COBL: variants seen among roughly 807,000 people sequenced by gnomAD.
COBL encodes protein cordon-bleu.
COBL carries 51 observed loss-of-function variants against 98.8 expected under a neutral mutation model. The observed-to-expected ratio is 0.52, with a 90% confidence interval of 0.41 to 0.65. The LOEUF (loss-of-function observed/expected upper bound fraction) is 0.65. COBL is among the 30% of genes least tolerant of loss of function. The pLI is 0.00. For missense variants in COBL, 1,617 were observed against 1,617.5 expected (o/e 1.00, Z 0.01); for synonymous variants, 634 against 651.7 (o/e 0.97, Z 0.41).
Position 51,184,164 on chromosome 7 carries a change from T to C in COBL, c.721A>G (p.Thr241Ala), listed in dbSNP as rs372588282. The C allele has an allele frequency of 1.0e-5, 16 of 1,569,350 alleles. No homozygotes were observed. The highest frequency in any genetic ancestry group is 4.5e-5 in the East Asian group (2 of 44,338). Residue 241 changes from threonine to alanine, a missense_variant, in exon 5 of 13, where the codon ACA (threonine) becomes GCA (alanine). Physicochemically the swap from Thr to Ala is moderately conservative, Grantham distance 58 (BLOSUM62 0). Around this residue, in one of 3 missense-constraint regions of COBL, gnomAD observed 75 missense variants for 120.5 expected, o/e 0.62. Coordinates refer to ENST00000265136, the MANE Select transcript of COBL (RefSeq NM_015198.5). Reference sequence around the variant, plus strand: ...AGAAATTTTTTCTTCTCTTTATCTGTCTCATCATTGCCAAGTGATGATTTC... The same window carrying C: ...AGAAATTTTTTCTTCTCTTTATCTGCCTCATCATTGCCAAGTGATGATTTC... ...FRKSSLGNDE[T>A]DKEKKKFLGF... is the part of the protein sequence containing the mutation.
chr7:51,144,175 G>A lies in COBL; in HGVS notation c.784-7844C>T, dbSNP rs534828074. Reference sequence around the variant, plus strand: ...AAAGAGAACAACTAAGCCGGTTAGGGAGGAAATCTAAACTCCAGGCTCAGA... The same window carrying A: ...AAAGAGAACAACTAAGCCGGTTAGGAAGGAAATCTAAACTCCAGGCTCAGA... On this transcript the variant is annotated intron_variant, in intron 5 of 12. Transcript: ENST00000265136. Among the ~76,000 whole-genome samples, 3 of 152,310 alleles carry A rather than the reference G, an allele frequency of 2.0e-5. No homozygotes were observed. In the East Asian group the frequency reaches 5.8e-4, roughly 29 times the overall value.
intron 1 of COBL, among the ~76,000 whole-genome samples, chr7:51,267,480 TTATA>T (rs547550558): frequency 1.3e-5 from 2 of 150,682 alleles, no homozygotes; most frequent in African/African-American, 4.9e-5. Flanking sequence ...ATTTGTATTT[TTATA>T]TATATATATA....
intron 5 of COBL, among the ~76,000 whole-genome samples, chr7:51,170,366 T>TTATA (rs1430224694): frequency 3.3e-5 from 5 of 151,956 alleles, no homozygotes; most frequent in East Asian, 3.9e-4. Flanking sequence ...ATTACTGTAA[T>TTATA]TATAAAGGTG....
At chr7:51,113,644 GA>G (rs1049313155) in intron 6 of COBL, among the ~76,000 whole-genome samples, 5 of 151,912 alleles carry the variant, frequency 3.3e-5, no homozygotes, top group African/African-American at 2.4e-5. Flanking sequence ...ATAGATTTTG[GA>G]AAAAAAATAT....
At chr7:51,233,422 G>C (rs1008651799) in intron 1 of COBL, among the ~76,000 whole-genome samples, 1 of 127,124 alleles carries the variant, frequency 7.9e-6, no homozygotes, top group Non-Finnish European at 1.8e-5. Context: ...TTCCTTCAGT[G>C]GGGGGAAAAA....
At chr7:51,064,318 T>C (rs1791679895) in intron 7 of COBL, 1 of 151,462 alleles carries the variant, frequency 6.6e-6, no homozygotes, top group Non-Finnish European at 1.5e-5. Context: ...TTTTTTTTTT[T>C]CAGGCAAAGA....
At chr7:51,252,578 ACT>A (rs1796822083) in intron 1 of COBL, among the ~76,000 whole-genome samples, 1 of 152,064 alleles carries the variant, frequency 6.6e-6, no homozygotes, top group South Asian at 2.1e-4. Flanking sequence ...TTTGAAAAAG[ACT>A]CTCAATTTGT....
At chr7:51,242,135 T>G (rs1051019303) in intron 1 of COBL, among the ~76,000 whole-genome samples, 1 of 152,192 alleles carries the variant, frequency 6.6e-6, no homozygotes. Flanking sequence ...TTGGTCACTT[T>G]CTGCAATCAA....
At chr7:51,026,421 A>C in intron 11 of COBL, 125 bp downstream of exon 11, 2 of 1,326,948 alleles carry the variant, frequency 1.5e-6, no homozygotes, top group Non-Finnish European at 2.0e-6. Flanking sequence ...TGGCCACTCT[A>C]AAGACAGATG....
chr7:51,130,689 G>C (rs1221138123), intron 6 of COBL, among the ~76,000 whole-genome samples: 1 of 152,088 alleles, frequency 6.6e-6, no homozygotes, highest in African/African-American at 2.4e-5. Context: ...TGCGGAACAG[G>C]ATCAAGAACA....
intron 6 of COBL, among the ~76,000 whole-genome samples, chr7:51,088,541 C>A (rs1187654176): frequency 3.3e-5 from 5 of 152,042 alleles, no homozygotes. Context: ...ATATCTTTTT[C>A]AAGACCACAT....
At chr7:51,278,232 A>C (rs769748602) in intron 1 of COBL, among the ~76,000 whole-genome samples, 5 of 152,088 alleles carry the variant, frequency 3.3e-5, no homozygotes, top group Non-Finnish European at 5.9e-5. Context: ...TCTAATCTGG[A>C]GATTAGCTGA....
intron 7 of COBL, chr7:51,065,579 A>G (rs897091413): frequency 1.7e-5 from 10 of 603,900 alleles, no homozygotes; most frequent in Admixed American, 5.7e-5. Flanking sequence ...AGCTTGCCAG[A>G]AAGGTGGCAG....
chr7:51,268,807 GTAGTC>G (rs1798461739), intron 1 of COBL, among the ~76,000 whole-genome samples: 1 of 151,992 alleles, frequency 6.6e-6, no homozygotes, highest in Admixed American at 6.6e-5. Context: ...GCAGGTTCCT[GTAGTC>G]CCAGCTACTC....
At chr7:51,052,588 A>G (rs1306130485) in intron 7 of COBL, among the ~76,000 whole-genome samples, 2 of 152,200 alleles carry the variant, frequency 1.3e-5, no homozygotes, top group African/African-American at 4.8e-5. Flanking sequence ...CATTGTCAAA[A>G]TAGAAACTCT....
At chr7:51,086,826 C>G (rs1794305282) in intron 6 of COBL, among the ~76,000 whole-genome samples, 1 of 151,876 alleles carries the variant, frequency 6.6e-6, no homozygotes, top group Non-Finnish European at 1.5e-5. Context: ...TTCTTTCCTT[C>G]TGTTATAGTA....
At chr7:51,209,046 T>TAAAAAA (rs572689062) in intron 2 of COBL, among the ~76,000 whole-genome samples, 1 of 43,432 alleles carries the variant, frequency 2.3e-5, no homozygotes, top group Non-Finnish European at 4.6e-5. Flanking sequence ...AATGATCAAT[T>TAAAAAA]AAAAAAAAAA....
intron 5 of COBL, among the ~76,000 whole-genome samples, chr7:51,160,873 C>G (rs1055542887): frequency 1.3e-5 from 2 of 151,990 alleles, no homozygotes; most frequent in Non-Finnish European, 2.9e-5. Flanking sequence ...CTCTTAAAAC[C>G]TGCCATATGC....
At chr7:51,300,247 G>C (rs1801812218) in intron 1 of COBL, among the ~76,000 whole-genome samples, 1 of 152,058 alleles carries the variant, frequency 6.6e-6, no homozygotes, top group Non-Finnish European at 1.5e-5. Flanking sequence ...TGCAACCTCT[G>C]TCTCCTGGGT....
Sources: allele counts gnomAD v4.1 joint callset (sites outside exome capture counted in the v4.1 genomes callset), GRCh38; gene constraint gnomAD v4.1.1; regional missense constraint gnomAD v4.1.1; transcripts MANE v1.5; gene names NCBI Gene and HGNC (gene_info 2026-07-23, HGNC 2026-07-21).